The following RFX7 variants were observed in gnomAD, a reference collection of about 807,000 sequenced individuals.
RFX7 encodes DNA-binding protein RFX7.
A neutral mutation model predicts 111.8 loss-of-function variants in RFX7; 26 were observed. The observed-to-expected ratio is 0.23, with a 90% CI of 0.17 to 0.32. The LOEUF is 0.32. RFX7 is among the 10% of genes least tolerant of loss of function. The pLI, the probability that RFX7 is intolerant of heterozygous loss-of-function variation, is 1.00. For synonymous variants in RFX7, 624 were observed against 624.4 expected (o/e 1.00, Z 0.01); for missense variants, 1,573 against 1,772.9 (o/e 0.89, Z 2.02).
At chr15:56,231,311 G>C (rs1430365092) in intron 2 of RFX7, among the ~76,000 whole-genome samples, 1 of 152,146 alleles carries the variant, frequency 6.6e-6, no homozygotes, top group African/African-American at 2.4e-5. Flanking sequence ...ACATACCTGA[G>C]ACTGGGTAAT....
intron 2 of RFX7, among the ~76,000 whole-genome samples, chr15:56,233,404 T>A (rs2043589753): frequency 6.6e-6 from 1 of 152,264 alleles, no homozygotes; most frequent in East Asian, 1.9e-4. Context: ...ACCAGGTCCC[T>A]CTCACAACAG....
chr15:56,216,678 T>C (rs1286874400), intron 2 of RFX7, among the ~76,000 whole-genome samples: 1 of 152,226 alleles, frequency 6.6e-6, no homozygotes, highest in Non-Finnish European at 1.5e-5. Flanking sequence ...GCTTAACTCA[T>C]TAATTTTCAA....
chr15:56,196,168 T>C (rs903098361), intron 2 of RFX7, among the ~76,000 whole-genome samples: 1 of 152,116 alleles, frequency 6.6e-6, no homozygotes, highest in South Asian at 2.1e-4. Flanking sequence ...AGGAAAGTTA[T>C]AAAGAATAAT....
rs144930992 is a variant in RFX7, at chr15:56,134,184, T to C, written c.401+8594A>G. ...GTCTTAGATCTGCCCCTCACTAGTTTTGTCACACTGGTAGAGTCACTTAAC... is the reference window on the plus strand; with the variant it reads ...GTCTTAGATCTGCCCCTCACTAGTTCTGTCACACTGGTAGAGTCACTTAAC... On this transcript the variant is annotated intron_variant, in intron 5 of 9. Transcript: ENST00000559447. Among the ~76,000 whole-genome samples the C allele has an allele frequency of 9.2e-3, 1,404 of 152,278 alleles. 28 individuals carry two copies. The highest frequency in any genetic ancestry group is 0.032 in the African/African-American group (1,331 of 41,564).
At chr15:56,137,206 G>A (rs1416610289) in intron 5 of RFX7, among the ~76,000 whole-genome samples, 1 of 151,942 alleles carries the variant, frequency 6.6e-6, no homozygotes, top group Admixed American at 6.6e-5. Flanking sequence ...GTTCCTCCTT[G>A]TACCTCTGGT....
chr15:56,199,604 T>G (rs148066027), intron 2 of RFX7, among the ~76,000 whole-genome samples: 6 of 152,084 alleles, frequency 3.9e-5, no homozygotes, highest in Admixed American at 2.6e-4. Flanking sequence ...AGGAAAGCAT[T>G]TGCACATATA....
At chr15:56,202,722 G>C (rs113201864) in intron 2 of RFX7, among the ~76,000 whole-genome samples, 4 of 152,224 alleles carry the variant, frequency 2.6e-5, no homozygotes, top group African/African-American at 9.6e-5. Context: ...TGAGACAGGA[G>C]GATGGCTTGA....
In RFX7 at chr15:56,110,239, G is replaced by A. The variant is rs1242350718; in HGVS notation, c.402-6569C>T. Among the ~76,000 whole-genome samples the A allele has an allele frequency of 4.9e-3, 531 of 108,360 alleles. 5 individuals are homozygous for A. The highest frequency in any genetic ancestry group is 0.017 in the African/African-American group (492 of 29,784). The allele number at this position is 108,360 out of a possible 152,430, so 71.1% of individuals were successfully genotyped here. On this transcript the variant is annotated intron_variant, in intron 5 of 9. Coordinates refer to ENST00000559447, the MANE Select transcript of RFX7 (RefSeq NM_022841.7). The stretch of plus-strand genomic sequence containing the variant: ...TGGGAAGTGAGGAGCCCCTCTGCCC[G>A]GCCAGCCGCCCCGTCCGGGAGGGAG...
At chr15:56,232,394 G>A (rs1312665221) in intron 2 of RFX7, among the ~76,000 whole-genome samples, 2 of 152,196 alleles carry the variant, frequency 1.3e-5, no homozygotes, top group Non-Finnish European at 2.9e-5. Context: ...GTTGCAAAGA[G>A]CAGGGAGGCC....
chr15:56,229,273 T>TG (rs1269689926), intron 2 of RFX7, among the ~76,000 whole-genome samples: 3 of 152,138 alleles, frequency 2.0e-5, no homozygotes, highest in Non-Finnish European at 4.4e-5. Context: ...TTGTTGTTGT[T>TG]TTGTTTTTTT....
intron 5 of RFX7, among the ~76,000 whole-genome samples, chr15:56,125,033 G>C (rs1054625554): frequency 2.0e-5 from 3 of 152,078 alleles, no homozygotes; most frequent in Non-Finnish European, 4.4e-5. Context: ...TTTTTGTATA[G>C]GGTGAGAGAT....
intron 5 of RFX7, among the ~76,000 whole-genome samples, chr15:56,140,502 C>G (rs2042377047): frequency 6.6e-6 from 1 of 152,228 alleles, no homozygotes; most frequent in South Asian, 2.1e-4. Context: ...ACCCACTGAC[C>G]TGCGCCCACT....
At chr15:56,108,497 A>G (rs1323061487) in intron 5 of RFX7, among the ~76,000 whole-genome samples, 2 of 152,228 alleles carry the variant, frequency 1.3e-5, no homozygotes, top group East Asian at 1.9e-4. Context: ...AAAAAATGCA[A>G]TATCCCTTTA....
At chr15:56,223,166 A>C (rs2043444273) in intron 2 of RFX7, among the ~76,000 whole-genome samples, 1 of 152,124 alleles carries the variant, frequency 6.6e-6, no homozygotes, top group African/African-American at 2.4e-5. Flanking sequence ...TTTTGACTAC[A>C]GGCCCCAACA....
intron 3 of RFX7, among the ~76,000 whole-genome samples, chr15:56,163,319 G>C (rs557497699): frequency 4.2e-4 from 64 of 152,234 alleles, no homozygotes; most frequent in African/African-American, 1.5e-3. Flanking sequence ...ATTGCTGGGA[G>C]TGTGTCACCT....
intron 2 of RFX7, among the ~76,000 whole-genome samples, chr15:56,229,253 ATTG>A (rs1202293901): frequency 9.2e-5 from 14 of 151,980 alleles, no homozygotes; most frequent in South Asian, 2.1e-4. Flanking sequence ...CTTTGGCCTA[ATTG>A]TTGTTGTTGT....
intron 3 of RFX7, among the ~76,000 whole-genome samples, chr15:56,165,192 C>CTGCTCACT (rs2042769418): frequency 6.6e-6 from 1 of 152,208 alleles, no homozygotes; most frequent in African/African-American, 2.4e-5. Flanking sequence ...TGCTCGCCTG[C>CTGCTCACT]TGCTCACTTA....
At chr15:56,230,200 A>C (rs1223252401) in intron 2 of RFX7, among the ~76,000 whole-genome samples, 1 of 152,180 alleles carries the variant, frequency 6.6e-6, no homozygotes, top group Non-Finnish European at 1.5e-5. Context: ...AAAATAACTA[A>C]CCAGTCCATA....
chr15:56,132,211 C>T (rs2042227182), intron 5 of RFX7, among the ~76,000 whole-genome samples: 1 of 151,816 alleles, frequency 6.6e-6, no homozygotes, highest in South Asian at 2.1e-4. Flanking sequence ...TTTTTAAAAT[C>T]AGAAAACTGA....
Sources: gnomAD v4.1 joint callset for allele counts (sites outside exome capture counted in the v4.1 genomes callset) on GRCh38, gnomAD v4.1.1 for gene constraint, MANE v1.5 for transcripts, NCBI Gene and HGNC (gene_info 2026-07-23, HGNC 2026-07-21) for gene names.